Variants in POC5 observed in about 807,000 individuals in gnomAD.
The protein encoded by POC5 is POC5 centriolar protein.
In POC5, 48 loss-of-function variants were observed where a neutral mutation model predicts 62.9. The ratio of observed to expected loss-of-function variants is 0.76; its 90% CI spans 0.61 to 0.97. The LOEUF (loss-of-function observed/expected upper bound fraction) is 0.97, where lower values mean the gene tolerates loss of function less well. Among genes scored for constraint, POC5 ranks in the 50% least tolerant of loss-of-function variants. POC5 has a pLI of 0.00. For missense variants in POC5, 696 were observed against 679.5 expected, an observed-to-expected ratio of 1.02 and a Z score of -0.27; for synonymous variants, 236 against 228.2, an observed-to-expected ratio of 1.03 and a Z score of -0.31.
chr5:75,716,648 T>C (rs1742591411), intron 1 of POC5, among the ~76,000 whole-genome samples: 1 of 152,194 alleles, frequency 6.6e-6, no homozygotes, highest in African/African-American at 2.4e-5. Context: ...GGACGCACAT[T>C]AGTTCACTAC....
At chr5:75,715,000 C>T (rs1453209253) in intron 1 of POC5, among the ~76,000 whole-genome samples, 1 of 150,604 alleles carries the variant, frequency 6.6e-6, no homozygotes, top group Non-Finnish European at 1.5e-5. Flanking sequence ...TGTATTAGTA[C>T]GTTTTTCAAA....
intron 1 of POC5, among the ~76,000 whole-genome samples, chr5:75,713,394 A>C (rs1415663176): frequency 2.0e-5 from 3 of 152,264 alleles, no homozygotes; most frequent in Non-Finnish European, 4.4e-5. Flanking sequence ...ATATGCATAG[A>C]GAATTTGTTG....
intron 1 of POC5, among the ~76,000 whole-genome samples, chr5:75,716,750 G>A (rs1742600766): frequency 6.6e-6 from 1 of 152,176 alleles, no homozygotes; most frequent in African/African-American, 2.4e-5. Flanking sequence ...TAACATCTTG[G>A]TAATTATCTG....
At chr5:75,684,870 C>CTTT (rs369470317) in intron 10 of POC5, among the ~76,000 whole-genome samples, 4 of 136,346 alleles carry the variant, frequency 2.9e-5, no homozygotes, top group East Asian at 2.1e-4. Context: ...TACAAACAAG[C>CTTT]TTTTTTTTTT....
intron 10 of POC5, among the ~76,000 whole-genome samples, chr5:75,681,263 T>A (rs1171764814): frequency 6.6e-6 from 1 of 152,156 alleles, no homozygotes. Flanking sequence ...CTCAATTTCT[T>A]CATTTATAAA....
At chr5:75,710,645 T>C (rs930586712) in intron 2 of POC5, among the ~76,000 whole-genome samples, 2 of 152,236 alleles carry the variant, frequency 1.3e-5, no homozygotes, top group Admixed American at 1.3e-4. Flanking sequence ...ATCTGGGACT[T>C]CTAGCCTCCA....
At chr5:75,696,403 CT>C (rs1428657213) in intron 5 of POC5, among the ~76,000 whole-genome samples, 3 of 152,234 alleles carry the variant, frequency 2.0e-5, no homozygotes, top group Non-Finnish European at 4.4e-5. Context: ...TCCCTGACCC[CT>C]GACCTCCGAG....
intron 5 of POC5, among the ~76,000 whole-genome samples, chr5:75,699,132 C>G (rs1232945914): frequency 6.6e-6 from 1 of 152,138 alleles, no homozygotes; most frequent in Non-Finnish European, 1.5e-5. Context: ...TGAATTCTAC[C>G]AGAGGTACAA....
At chr5:75,696,484 C>T (rs1776597295) in intron 5 of POC5, among the ~76,000 whole-genome samples, 1 of 151,974 alleles carries the variant, frequency 6.6e-6, no homozygotes, top group Admixed American at 6.6e-5. Context: ...CTCCAACAGA[C>T]CTGCAGCTGA....
At chr5:75,695,254 T>G (rs991483840) in intron 5 of POC5, among the ~76,000 whole-genome samples, 1 of 151,896 alleles carries the variant, frequency 6.6e-6, no homozygotes, top group Non-Finnish European at 1.5e-5. Context: ...ACCATGAGAG[T>G]TGATACTTGT....
At chr5:75,694,977 CAT>C (rs1776500108) in intron 5 of POC5, 146 bp from the exon 6 acceptor site, 3 of 592,148 alleles carry the variant, frequency 5.1e-6, no homozygotes, top group East Asian at 6.2e-5. Flanking sequence ...TAATGAAAAA[CAT>C]ATGTAAGTTC....
chr5:75,712,295 AT>A, intron 2 of POC5: 1 of 1,405,280 alleles, frequency 7.1e-7, no homozygotes, highest in Non-Finnish European at 1.0e-6. Flanking sequence ...CTAAATCCAT[AT>A]TTTTGATGAT....
chr5:75,676,056 A>C (rs1284742769), intron 11 of POC5, among the ~76,000 whole-genome samples: 3 of 152,246 alleles, frequency 2.0e-5, no homozygotes, highest in Non-Finnish European at 2.9e-5. Flanking sequence ...TACTGAATAA[A>C]GGGAGGGCAG....
chr5:75,691,421 A>G (rs1169195979), intron 7 of POC5, among the ~76,000 whole-genome samples: 1 of 152,206 alleles, frequency 6.6e-6, no homozygotes, highest in Non-Finnish European at 1.5e-5. Flanking sequence ...CAAGTGAAAA[A>G]TTCCACACAG....
At chr5:75,694,606 G>A in intron 6 of POC5, 49 bp downstream of exon 6, 1 of 1,309,916 alleles carries the variant, frequency 7.6e-7, no homozygotes, top group African/African-American at 1.5e-5. Context: ...TTATTATCTA[G>A]CAAGACATTT....
chr5:75,690,643 G>C, intron 7 of POC5, 81 bp from the exon 8 acceptor site: 2 of 1,128,902 alleles, frequency 1.8e-6, no homozygotes, highest in Non-Finnish European at 2.5e-6. Flanking sequence ...TAACATGGTG[G>C]TAAGTGTACA....
rs1341730595 is a variant in POC5, at chr5:75,698,566, C to T, written c.514-3735G>A. ...CAGGATCTCTGGGACACATTCAATG[C>T]AGTGTGTAGAGGGAAATTTATAGCA... On this transcript the variant is annotated intron_variant, in intron 5 of 11. Coordinates refer to ENST00000428202, the MANE Select transcript of POC5 (RefSeq NM_001099271.2). Among the ~76,000 whole-genome samples, 3 of 151,726 alleles carry T rather than the reference C, an allele frequency of 2.0e-5. No homozygotes were observed. In the East Asian group the frequency reaches 5.9e-4, roughly 30 times the overall value.
chr5:75,695,725 G>A (rs1348059726), intron 5 of POC5, among the ~76,000 whole-genome samples: 1 of 152,166 alleles, frequency 6.6e-6, no homozygotes, highest in African/African-American at 2.4e-5. Flanking sequence ...TGGCCGAATA[G>A]GAACAGCTCC....
chr5:75,695,046 C>G (rs1776503535), intron 5 of POC5, among the ~76,000 whole-genome samples: 1 of 152,224 alleles, frequency 6.6e-6, no homozygotes, highest in South Asian at 2.1e-4. Flanking sequence ...TAATTTTTTC[C>G]TATTTTAACT....
Sources: allele counts gnomAD v4.1 joint callset (sites outside exome capture counted in the v4.1 genomes callset), GRCh38; gene constraint gnomAD v4.1.1; transcripts MANE v1.5; gene names NCBI Gene and HGNC (gene_info 2026-07-23, HGNC 2026-07-21).